SCGB2B2: variants seen among roughly 807,000 people sequenced by gnomAD.
SCGB2B2 encodes the protein secretoglobin family 2B member 2, also known as secretoglobin-like protein.
In SCGB2B2, 11 loss-of-function variants were observed where a neutral mutation model predicts 7.6. The observed-to-expected ratio is 1.45, with a 90% CI of 0.91 to 2.40. The LOEUF is 2.40. SCGB2B2 is among the 30% of genes most tolerant of loss of function. The pLI, the probability that SCGB2B2 is intolerant of heterozygous loss-of-function variation, is 0.00. For missense variants in SCGB2B2, 104 were observed against 115.4 expected (o/e 0.90, Z 0.45); for synonymous variants, 50 against 48.6 (o/e 1.03, Z -0.12).
At position 34,594,644 on chromosome 19, in the gene SCGB2B2, T is replaced by C. The variant is rs2065393826; in HGVS notation, c.-81A>G. 2.1e-6 allele frequency: 2 copies of C among 950,906 alleles called. No individual in the cohort carries two copies. The highest frequency in any genetic ancestry group is 3.2e-4 in the Middle Eastern group (1 of 3,168). 58.9% of individuals were successfully genotyped at this position (950,906 alleles called of 1,614,324 possible). On this transcript the variant is annotated 5_prime_UTR_variant, in exon 2 of 4. The change abolishes an upstream ATG in the 5' untranslated region. Coordinates refer to ENST00000601241, the MANE Select transcript of SCGB2B2 (RefSeq NM_001025591.4). ...TTTATGTATATCTGAACAAGGCACATGCCTCTTCGTGTGTGTGTGTGTGTG... is the reference window on the plus strand; with the variant it reads ...TTTATGTATATCTGAACAAGGCACACGCCTCTTCGTGTGTGTGTGTGTGTG...
intron 1 of SCGB2B2, among the ~76,000 whole-genome samples, chr19:34,628,944 G>A (rs2066453898): frequency 6.6e-6 from 1 of 151,898 alleles, no homozygotes; most frequent in Non-Finnish European, 1.5e-5. Flanking sequence ...CTTCATCCCT[G>A]GGATGCAAGG....
At position 34,676,873 on chromosome 19, in the gene SCGB2B2, C is replaced by T. The variant is rs2067973676; in HGVS notation, c.-3275G>A. 1 of 152,076 alleles carries T rather than the reference C, an allele frequency of 6.6e-6. No individual in the cohort carries two copies. The highest frequency in any genetic ancestry group is 6.6e-5 in the Admixed American group (1 of 15,264). 9.4% of individuals were successfully genotyped at this position (152,076 alleles called of 1,614,324 possible). A position where few individuals can be genotyped will look rare whatever the true frequency, so the allele number is the denominator to read the frequency against. On this transcript the variant is annotated 5_prime_UTR_variant, in exon 1 of 4. Transcript: ENST00000601241. ...GCTTGCATACAGAGAGGTCCATTGCCCTTTTGGGTGGGCCTAAGAAGCACT... is the reference window on the plus strand; with the variant it reads ...GCTTGCATACAGAGAGGTCCATTGCTCTTTTGGGTGGGCCTAAGAAGCACT...
At position 34,641,746 on chromosome 19, in the gene SCGB2B2, T is replaced by A. The variant is rs550365140; in HGVS notation, c.-2032+33884A>T. Among the ~76,000 whole-genome samples the A allele has an allele frequency of 3.3e-5, 5 of 152,256 alleles. No individual in the cohort carries two copies. In the South Asian group the frequency reaches 1.0e-3, roughly 32 times the overall value. ...CTAAAACTCCTGCAGCTGCAGAAAG[T>A]CAAGTTCCAGCACTAGAAACAAGGA... On this transcript the variant is annotated intron_variant, in intron 1 of 3. Coordinates refer to ENST00000601241, the MANE Select transcript of SCGB2B2 (RefSeq NM_001025591.4).
At chr19:34,675,069 C>T (rs947377149) in intron 1 of SCGB2B2, among the ~76,000 whole-genome samples, 1 of 152,200 alleles carries the variant, frequency 6.6e-6, no homozygotes, top group Non-Finnish European at 1.5e-5. Flanking sequence ...TTCTCAATCT[C>T]ATTAACAATT....
rs538193830 is a variant in SCGB2B2, at chr19:34,651,304, A to G, written c.-2032+24326T>C. Among the ~76,000 whole-genome samples, 43 of 151,310 alleles carry G rather than the reference A, an allele frequency of 2.8e-4. No individual in the cohort carries two copies. In the South Asian group the frequency reaches 7.5e-3, roughly 26 times the overall value. On this transcript the variant is annotated intron_variant, in intron 1 of 3. Coordinates refer to ENST00000601241, the MANE Select transcript of SCGB2B2 (RefSeq NM_001025591.4). ...TCCAGACTGGAAAGAAGGATGTCAA[A>G]TTGTCTCTGCTTGCAGAGGACACGA...
At chr19:34,604,828 T>C (rs2065733698) in intron 1 of SCGB2B2, among the ~76,000 whole-genome samples, 1 of 152,216 alleles carries the variant, frequency 6.6e-6, no homozygotes, top group East Asian at 1.9e-4. Flanking sequence ...ATTGTATTTT[T>C]ATATCTTGTA....
intron 1 of SCGB2B2, among the ~76,000 whole-genome samples, chr19:34,634,252 T>C (rs560104686): frequency 3.2e-4 from 48 of 152,330 alleles, no homozygotes; most frequent in Middle Eastern, 3.4e-3. Context: ...AATGTAATTA[T>C]GGTGGTCTGC....
intron 1 of SCGB2B2, among the ~76,000 whole-genome samples, chr19:34,658,079 T>C (rs1479384994): frequency 1.3e-5 from 2 of 152,206 alleles, no homozygotes; most frequent in South Asian, 2.1e-4. Flanking sequence ...CCAGAATCTC[T>C]GGGACACATT....
chr19:34,666,211 CTG>C (rs1397596580), intron 1 of SCGB2B2, among the ~76,000 whole-genome samples: 7 of 152,220 alleles, frequency 4.6e-5, no homozygotes, highest in Admixed American at 4.6e-4. Flanking sequence ...CAATGTCTCC[CTG>C]TCTCTCTCAG....
In SCGB2B2 at chr19:34,594,287, T is replaced by A. The variant is rs1250553701; in HGVS notation, c.134A>T (p.Glu45Val). 4 of 1,614,122 alleles carry A rather than the reference T, an allele frequency of 2.5e-6. No individual in the cohort carries two copies. The highest frequency in any genetic ancestry group is 3.4e-6 in the Non-Finnish European group (4 of 1,179,974). Residue 45 changes from glutamate to valine, a missense_variant, in exon 3 of 4, where the codon GAG (glutamate) becomes GTG (valine). Glu to Val is a moderately radical substitution (Grantham distance 121). Coordinates refer to ENST00000601241, the MANE Select transcript of SCGB2B2 (RefSeq NM_001025591.4). ...VFDVSQDLLKEELARYNPSPL... is the reference protein window; with the variant it reads ...VFDVSQDLLKVELARYNPSPL... Reference sequence around the variant, plus strand: ...ACTGGGGTTGTAACGAGCAAGCTCCTCCTTCAGGAGGTCTTGGGACACATC... The same window carrying A: ...ACTGGGGTTGTAACGAGCAAGCTCCACCTTCAGGAGGTCTTGGGACACATC...
At chr19:34,664,136 T>A (rs1469106131) in intron 1 of SCGB2B2, among the ~76,000 whole-genome samples, 2 of 152,216 alleles carry the variant, frequency 1.3e-5, no homozygotes, top group African/African-American at 4.8e-5. Flanking sequence ...AGTGTCAACC[T>A]GGCTCCCACC....
At chr19:34,658,807 CAACAACAAA>C (rs1458276159) in intron 1 of SCGB2B2, among the ~76,000 whole-genome samples, 35 of 61,164 alleles carry the variant, frequency 5.7e-4, no homozygotes, top group African/African-American at 1.6e-3. Flanking sequence ...ACAACAACAA[CAACAACAAA>C]AAAAAAAAAA....
chr19:34,596,478 T>C lies in SCGB2B2; in HGVS notation c.-1915A>G, dbSNP rs1052295423. On this transcript the variant is annotated 5_prime_UTR_variant, in exon 2 of 4. Coordinates refer to ENST00000601241, the MANE Select transcript of SCGB2B2 (RefSeq NM_001025591.4). ...TTGTGTGTGTGTGAGTGGAATGCGC[T>C]GGCAGGATTCCACCCACTATGTGGG... The C allele has an allele frequency of 6.5e-6, 1 of 152,682 alleles. No homozygotes were observed. Among genetic ancestry groups the C allele is most frequent in the Non-Finnish European group, 1.5e-5 (1 of 68,188 alleles). 9.5% of individuals were successfully genotyped at this position (152,682 alleles called of 1,614,324 possible).
At chr19:34,605,728 C>CA (rs2065757668) in intron 1 of SCGB2B2, among the ~76,000 whole-genome samples, 1 of 152,124 alleles carries the variant, frequency 6.6e-6, no homozygotes, top group Non-Finnish European at 1.5e-5. Context: ...GCTGGGAATA[C>CA]AGGCATGCAC....
intron 3 of SCGB2B2, 26 bp downstream of exon 3, chr19:34,594,149 G>A (rs771986258): frequency 6.3e-6 from 10 of 1,594,700 alleles, no homozygotes; most frequent in Non-Finnish European, 8.6e-6. Context: ...CATGTAGTGT[G>A]TGCAGGTCCC....
At chr19:34,606,048 T>A (rs190378232) in intron 1 of SCGB2B2, among the ~76,000 whole-genome samples, 135 of 150,510 alleles carry the variant, frequency 9.0e-4, no homozygotes, top group Admixed American at 4.4e-3. Flanking sequence ...GTTACTAAAA[T>A]TTTTTTTTTA....
chr19:34,661,630 C>A (rs1483422047), intron 1 of SCGB2B2, among the ~76,000 whole-genome samples: 1 of 152,058 alleles, frequency 6.6e-6, no homozygotes, highest in Non-Finnish European at 1.5e-5. Flanking sequence ...ATAGGGAACC[C>A]AGAAGCAAAC....
At chr19:34,633,025 T>C (rs961684569) in intron 1 of SCGB2B2, 1 of 152,354 alleles carries the variant, frequency 6.6e-6, no homozygotes, top group Admixed American at 6.5e-5. Context: ...GCAAACTAGC[T>C]AATCACAAGC....
intron 1 of SCGB2B2, among the ~76,000 whole-genome samples, chr19:34,626,418 C>T (rs1458255811): frequency 6.6e-6 from 1 of 152,066 alleles, no homozygotes; most frequent in East Asian, 1.9e-4. Context: ...CTTAAAGGAC[C>T]TGATGGAGCT....
Sources: gnomAD v4.1 joint callset for allele counts (sites outside exome capture counted in the v4.1 genomes callset) on GRCh38, gnomAD v4.1.1 for gene constraint, MANE v1.5 for transcripts, NCBI Gene and HGNC (gene_info 2026-07-23, HGNC 2026-07-21) for gene names.